KCNH1: variants seen among roughly 807,000 people sequenced by gnomAD.
The protein encoded by KCNH1 is potassium voltage-gated channel subfamily H member 1.
KCNH1 carries 27 observed loss-of-function variants against 69.2 expected under a neutral mutation model. That is an observed-to-expected ratio of 0.39 (90% CI 0.29 to 0.54). The LOEUF (loss-of-function observed/expected upper bound fraction) is 0.54, where lower values mean the gene tolerates loss of function less well. KCNH1 is among the 20% of genes least tolerant of loss of function. The probability of loss-of-function intolerance (pLI) is 0.68; values close to 1 mark genes in which losing one functional copy is unlikely to be tolerated. For missense variants in KCNH1, 798 were observed against 1,261.6 expected (o/e 0.63, Z 5.57); for synonymous variants, 456 against 487.7 (o/e 0.93, Z 0.86).
chr1:210,683,192 T>C lies in KCNH1; in HGVS notation c.*89A>G. ...CTGTTAGGAAAAGCCTACTTGAAAA[T>C]TGTTGGTCATGTGGACATATGTGGT... On this transcript the variant is annotated 3_prime_UTR_variant, in exon 11 of 11. Transcript: ENST00000271751. This position sits in a 1 kb window ranked among gnomAD's most constrained non-coding sequence, Gnocchi z 5.7. 7.9e-7 allele frequency: 1 copy of C among 1,258,918 alleles called. No homozygotes were observed. The allele number at this position is 1,258,918 out of a possible 1,614,324, so 78.0% of individuals were successfully genotyped here.
chr1:210,741,984 G>C (rs1558449888), intron 10 of KCNH1, among the ~76,000 whole-genome samples: 1 of 152,186 alleles, frequency 6.6e-6, no homozygotes, highest in Non-Finnish European at 1.5e-5. Context: ...TAATTGATTA[G>C]AGATAGTGCT....
chr1:210,981,073 CT>C, intron 6 of KCNH1, among the ~76,000 whole-genome samples: 1 of 152,210 alleles, frequency 6.6e-6, no homozygotes, highest in East Asian at 1.9e-4. Context: ...AATCCTTTGG[CT>C]TTCCAGAACA....
intron 6 of KCNH1, among the ~76,000 whole-genome samples, chr1:210,967,689 T>C (rs1392216361): frequency 6.6e-6 from 1 of 152,132 alleles, no homozygotes; most frequent in African/African-American, 2.4e-5. Flanking sequence ...TATTAGGTTA[T>C]AAGAAGTCTT....
At chr1:211,084,384 C>T (rs912967444) in intron 4 of KCNH1, among the ~76,000 whole-genome samples, 125 of 376 alleles carry the variant, frequency 0.33, no homozygotes, top group Non-Finnish European at 0.33. Flanking sequence ...ACCCACCCTA[C>T]TACCACCACC....
intron 6 of KCNH1, among the ~76,000 whole-genome samples, chr1:211,005,638 G>A (rs1034635614): frequency 2.0e-5 from 3 of 152,082 alleles, no homozygotes; most frequent in African/African-American, 4.8e-5. Flanking sequence ...AAATGTGAAT[G>A]GAAAACAATA....
intron 10 of KCNH1, among the ~76,000 whole-genome samples, chr1:210,747,951 G>C (rs548386377): frequency 1.3e-5 from 2 of 152,362 alleles, no homozygotes; most frequent in African/African-American, 4.8e-5. Flanking sequence ...CAAATGAGTA[G>C]AGCAGGTTCA....
intron 10 of KCNH1, among the ~76,000 whole-genome samples, chr1:210,722,981 CAACTT>C (rs1278307501): frequency 6.6e-6 from 1 of 152,088 alleles, no homozygotes; most frequent in East Asian, 1.9e-4. Flanking sequence ...TCAGGGAAGA[CAACTT>C]AACCTGATAA....
At chr1:210,835,360 A>G (rs1468713979) in intron 7 of KCNH1, among the ~76,000 whole-genome samples, 1 of 152,206 alleles carries the variant, frequency 6.6e-6, no homozygotes, top group Non-Finnish European at 1.5e-5. Flanking sequence ...GAATTCCATG[A>G]GCTCTAATTA....
intron 5 of KCNH1, among the ~76,000 whole-genome samples, chr1:211,034,092 C>G (rs1689849954): frequency 6.6e-6 from 1 of 151,942 alleles, no homozygotes; most frequent in African/African-American, 2.4e-5. Flanking sequence ...GGCATTTATC[C>G]CAGAAGAATG....
intron 6 of KCNH1, among the ~76,000 whole-genome samples, chr1:211,001,066 G>T (rs1168674796): frequency 6.6e-6 from 1 of 152,100 alleles, no homozygotes; most frequent in Non-Finnish European, 1.5e-5. Flanking sequence ...AACCCTAGAA[G>T]AAAACCCAGG....
intron 2 of KCNH1, 137 bp from the exon 3 acceptor site, chr1:211,103,739 A>G: frequency 1.7e-6 from 1 of 582,024 alleles, no homozygotes; most frequent in South Asian, 2.5e-5. Context: ...ACAATCACTG[A>G]CTCAAAAAAA....
At chr1:211,025,241 C>G in intron 5 of KCNH1, among the ~76,000 whole-genome samples, 1 of 152,136 alleles carries the variant, frequency 6.6e-6, no homozygotes, top group Non-Finnish European at 1.5e-5. Flanking sequence ...ATAGGAACTT[C>G]TTGTTACCCC....
Position 210,998,820 on chromosome 1 carries a change from C to T in KCNH1, c.1032+19963G>A, listed in dbSNP as rs189683973. 8.3e-4 allele frequency among the ~76,000 whole-genome samples: 127 copies of T among 152,348 alleles called. No homozygotes were observed. In the Middle Eastern group the frequency reaches 0.01, roughly 12 times the overall value. ...AAATCACAACAAACTGTCTCTCACA[C>T]CACAGAGCAATCAAACTAGAATTCA... On this transcript the variant is annotated intron_variant, in intron 6 of 10. Transcript: ENST00000271751.
chr1:211,076,883 A>C (rs1366836247), intron 5 of KCNH1, among the ~76,000 whole-genome samples: 1 of 152,264 alleles, frequency 6.6e-6, no homozygotes, highest in Non-Finnish European at 1.5e-5. Flanking sequence ...ATGAATGGCT[A>C]CCTAGAATAA....
At chr1:210,926,288 A>C (rs1195584327) in intron 6 of KCNH1, among the ~76,000 whole-genome samples, 2 of 148,034 alleles carry the variant, frequency 1.4e-5, no homozygotes, top group Non-Finnish European at 3.0e-5. Flanking sequence ...CACACACACA[A>C]AACCAAGGAC....
intron 6 of KCNH1, among the ~76,000 whole-genome samples, chr1:210,925,379 C>G (rs1246512427): frequency 1.3e-5 from 2 of 152,204 alleles, no homozygotes; most frequent in African/African-American, 2.4e-5. Context: ...TCCACAGACC[C>G]TTTGAAGGAA....
At chr1:210,929,457 G>A (rs549885421) in intron 6 of KCNH1, among the ~76,000 whole-genome samples, 1 of 152,244 alleles carries the variant, frequency 6.6e-6, no homozygotes, top group East Asian at 1.9e-4. Context: ...CACAGAAAAA[G>A]CATCTGACAA....
intron 4 of KCNH1, among the ~76,000 whole-genome samples, chr1:211,086,124 C>G (rs1050975094): frequency 1.3e-5 from 2 of 152,188 alleles, no homozygotes; most frequent in African/African-American, 4.8e-5. Flanking sequence ...GTGTCTAGCA[C>G]CTAGCACGAG....
In KCNH1 at chr1:210,975,784, A is replaced by C. The variant is rs1288410780; in HGVS notation, c.1032+42999T>G. ...TTAAACTAAAGAGCTTCTGCACAGC[A>C]AAAGAAACTACCATCAGAGTGAACA... On this transcript the variant is annotated intron_variant, in intron 6 of 10. Coordinates refer to ENST00000271751, the MANE Select transcript of KCNH1 (RefSeq NM_172362.3). Among the ~76,000 whole-genome samples, 3 of 152,348 alleles carry C rather than the reference A, an allele frequency of 2.0e-5. No homozygotes were observed. The East Asian group carries it at 5.8e-4, about 29-fold the overall frequency.
Sources: gnomAD v4.1 joint callset for allele counts (sites outside exome capture counted in the v4.1 genomes callset) on GRCh38, gnomAD v4.1.1 for gene constraint, Gnocchi (gnomAD v3.1) non-coding constraint, MANE v1.5 for transcripts, NCBI Gene and HGNC (gene_info 2026-07-23, HGNC 2026-07-21) for gene names.